SCUBE1: variants seen among roughly 807,000 people sequenced by gnomAD.
The protein encoded by SCUBE1 is signal peptide, CUB domain and EGF like domain containing 1, also known as signal peptide, CUB and EGF-like domain-containing protein 1.
A neutral mutation model predicts 124.4 loss-of-function variants in SCUBE1; 59 were observed. The ratio of observed to expected loss-of-function variants is 0.47; its 90% CI spans 0.38 to 0.59. The LOEUF (loss-of-function observed/expected upper bound fraction) is 0.59, where lower values mean the gene tolerates loss of function less well. Ranked by LOEUF, SCUBE1 falls within the 20% of genes least tolerant of loss-of-function variation. SCUBE1 has a pLI of 0.00. For missense variants in SCUBE1, 1,150 were observed against 1,371.2 expected (o/e 0.84, Z 2.55); for synonymous variants, 545 against 550.9 (o/e 0.99, Z 0.15).
chr22:43,204,165 G>A lies in SCUBE1; in HGVS notation c.2815-16C>T, dbSNP rs943649268. ...GCTTCTTGTCCTGTAAGATAGAGTG[G>A]GTGGGAGGCAGGGGAGGCTTGGGGC... is the stretch of plus-strand genomic sequence containing the variant. On this transcript the variant is annotated splice_polypyrimidine_tract_variant and intron_variant, in intron 21 of 21. Transcript: ENST00000360835. The A allele has an allele frequency of 6.2e-7, 1 of 1,613,568 alleles. No individual in the cohort carries two copies. The highest frequency in any genetic ancestry group is 8.5e-7 in the Non-Finnish European group (1 of 1,179,772).
intron 10 of SCUBE1, 30 bp from the exon 11 acceptor site, chr22:43,223,246 G>A (rs370339200): frequency 6.4e-7 from 1 of 1,555,124 alleles, no homozygotes; most frequent in Non-Finnish European, 8.6e-7. Flanking sequence ...AGAGGGCTGA[G>A]AGAGGCCAGG....
At chr22:43,253,767 T>G (rs1439780844) in intron 6 of SCUBE1, among the ~76,000 whole-genome samples, 2 of 152,192 alleles carry the variant, frequency 1.3e-5, no homozygotes, top group Non-Finnish European at 2.9e-5. Flanking sequence ...GCGGCCCTCT[T>G]CCACCACCCA....
Position 43,203,400 on chromosome 22 carries a change from A to G in SCUBE1, c.*597T>C. 6.7e-6 allele frequency: 1 copy of G among 148,348 alleles called. No homozygotes were observed. The highest frequency in any genetic ancestry group is 1.9e-4 in the East Asian group (1 of 5,138). 9.2% of individuals were successfully genotyped at this position (148,348 alleles called of 1,614,324 possible). A position where few individuals can be genotyped will look rare whatever the true frequency, so the allele number is the denominator to read the frequency against. The stretch of plus-strand genomic sequence containing the variant: ...TATATATATATTTATATATATATAT[A>G]GAGTACTTCATTAAATGTTCTGTTG... On this transcript the variant is annotated 3_prime_UTR_variant, in exon 22 of 22. Transcript: ENST00000360835.
At chr22:43,219,423 A>G (rs1051309712) in intron 14 of SCUBE1, among the ~76,000 whole-genome samples, 2 of 152,022 alleles carry the variant, frequency 1.3e-5, no homozygotes, top group African/African-American at 4.8e-5. Flanking sequence ...TCTTTTCCTG[A>G]TAAATTATGC....
intron 7 of SCUBE1, among the ~76,000 whole-genome samples, chr22:43,232,762 G>A (rs532853758): frequency 5.3e-5 from 8 of 152,206 alleles, no homozygotes; most frequent in Non-Finnish European, 1.2e-4. Context: ...CCTGCTGGCC[G>A]ATGCCTCACA....
rs1279510871 is a variant in SCUBE1, at chr22:43,343,317, ACCGG to A, written c.-60_-57del. The A allele has an allele frequency of 2.3e-6, 2 of 885,640 alleles. No homozygotes were observed. Among genetic ancestry groups the A allele is most frequent in the Non-Finnish European group, 2.8e-6 (2 of 721,350 alleles). 54.9% of individuals were successfully genotyped at this position (885,640 alleles called of 1,614,324 possible). ...CGTGCGGGGCGCGGGGACCCGACCG[ACCGG>A]CCGCTCCCGCAGGCGCTGCTCGCTG... On this transcript the variant is annotated 5_prime_UTR_variant, in exon 1 of 22. Transcript: ENST00000360835.
intron 3 of SCUBE1, among the ~76,000 whole-genome samples, chr22:43,299,180 G>A (rs1925676939): frequency 6.6e-6 from 1 of 152,204 alleles, no homozygotes; most frequent in Admixed American, 6.5e-5. Context: ...AAGTCCCTGA[G>A]GTGTTTGGGA....
rs1021239272 is a variant in SCUBE1 at position 43,203,732 on chromosome 22, T to G, written c.*265A>C. 3 of 411,836 alleles carry G rather than the reference T, an allele frequency of 7.3e-6. No homozygotes were observed. Among genetic ancestry groups the G allele is most frequent in the Non-Finnish European group, 1.3e-5 (3 of 227,652 alleles). The allele number at this position is 411,836 out of a possible 1,614,324, so 25.5% of individuals were successfully genotyped here. On this transcript the variant is annotated 3_prime_UTR_variant, in exon 22 of 22. Coordinates refer to ENST00000360835, the MANE Select transcript of SCUBE1 (RefSeq NM_173050.5). Reference sequence around the variant, plus strand: ...GCAATCCTGCTACCTGCAGTCGGTCTGCCAGGGCTCAGGAGAGGGCGCTCT... The same window carrying G: ...GCAATCCTGCTACCTGCAGTCGGTCGGCCAGGGCTCAGGAGAGGGCGCTCT...
chr22:43,214,239 G>C lies in SCUBE1; in HGVS notation c.1904C>G (p.Pro635Arg). Residue 635 changes from proline (P) to arginine (R), a missense_variant, in exon 16 of 22, where the codon CCT (proline) becomes CGT (arginine). By Grantham distance (103) the Pro-to-Arg change is moderately radical. This residue lies in a region of SCUBE1 where 757 missense variants were observed against 840.9 expected (regional missense o/e 0.90). Transcript: ENST00000360835. ...GAGCTCACCACCGAAGTGGGTGCCA[G>C]GCCCACAGGCAACTGCAGAGGCAAA... ...LQDSKCVACG[P>R]GTHFGGELGQ... The C allele has an allele frequency of 6.2e-7, 1 of 1,612,140 alleles. No individual in the cohort carries two copies. The highest frequency in any genetic ancestry group is 8.5e-7 in the Non-Finnish European group (1 of 1,179,420).
At chr22:43,291,547 C>T (rs1157828935) in intron 3 of SCUBE1, among the ~76,000 whole-genome samples, 2 of 151,994 alleles carry the variant, frequency 1.3e-5, no homozygotes, top group Non-Finnish European at 1.5e-5. Context: ...TCAGGCTGTG[C>T]TACAGTGGCA....
intron 3 of SCUBE1, among the ~76,000 whole-genome samples, chr22:43,316,539 T>C (rs1926353498): frequency 6.6e-6 from 1 of 152,208 alleles, no homozygotes; most frequent in Non-Finnish European, 1.5e-5. Flanking sequence ...ACGATCAACG[T>C]TGTGTGGTCC....
intron 1 of SCUBE1, among the ~76,000 whole-genome samples, chr22:43,342,699 C>G (rs1278936395): frequency 6.6e-6 from 1 of 152,012 alleles, no homozygotes. Context: ...TGTCTGCTCC[C>G]TCGGCGCCGG....
Position 43,210,880 on chromosome 22 carries a change from T to TC in SCUBE1, c.2383+41dup, listed in dbSNP as rs1226645420. 1 of 1,372,192 alleles carries TC rather than the reference T, an allele frequency of 7.3e-7. No individual in the cohort carries two copies. The highest frequency in any genetic ancestry group is 1.0e-6 in the Non-Finnish European group (1 of 996,544). 85.0% of individuals were successfully genotyped at this position (1,372,192 alleles called of 1,614,324 possible). A position where few individuals can be genotyped will look rare whatever the true frequency, so the allele number is the denominator to read the frequency against. On this transcript the variant is annotated intron_variant, in intron 18 of 21. Transcript: ENST00000360835. The surrounding 1 kb of genome is among the most constrained non-coding windows in gnomAD (Gnocchi z 4.5). The stretch of plus-strand genomic sequence containing the variant: ...CCGCCCCCACAACCTGCCCAGCCCC[T>TC]CCCGTGTTCCCAGCTTCCCACGGCA...
intron 4 of SCUBE1, among the ~76,000 whole-genome samples, chr22:43,288,003 C>T (rs764087817): frequency 5.9e-5 from 9 of 152,146 alleles, no homozygotes; most frequent in Admixed American, 2.0e-4. Flanking sequence ...TCCACACAGC[C>T]GTGGAAACCC....
intron 3 of SCUBE1, among the ~76,000 whole-genome samples, chr22:43,303,795 A>C (rs1165763688): frequency 6.6e-6 from 1 of 152,242 alleles, no homozygotes; most frequent in Non-Finnish European, 1.5e-5. Flanking sequence ...GCTGATCAAC[A>C]ATCCTACAGT....
At chr22:43,342,512 C>T (rs1927355920) in intron 1 of SCUBE1, among the ~76,000 whole-genome samples, 1 of 151,562 alleles carries the variant, frequency 6.6e-6, no homozygotes, top group South Asian at 2.1e-4. Context: ...CCGCCCCCCC[C>T]AACCCCGTTT....
intron 1 of SCUBE1, among the ~76,000 whole-genome samples, chr22:43,339,728 A>AT (rs112252386): frequency 0.031 from 736 of 23,982 alleles, 4 homozygotes; most frequent in East Asian, 0.074. Flanking sequence ...TCCTCATTCT[A>AT]CCCCCCACAA....
chr22:43,234,512 G>A lies in SCUBE1; in HGVS notation c.845-2637C>T, dbSNP rs531312944. 1.3e-5 allele frequency among the ~76,000 whole-genome samples: 2 copies of A among 152,304 alleles called. No individual in the cohort carries two copies. Among genetic ancestry groups the A allele is most frequent in the East Asian group, 3.9e-4 (2 of 5,172 alleles). Reference sequence around the variant, plus strand: ...TGCTAAGGGGCTGTCATAGCAACCAGACAGGCAGAGGGAGGCATGTCTGCC... The same window carrying A: ...TGCTAAGGGGCTGTCATAGCAACCAAACAGGCAGAGGGAGGCATGTCTGCC... On this transcript the variant is annotated intron_variant, in intron 7 of 21. Transcript: ENST00000360835. The surrounding 1 kb of genome is among the most constrained non-coding windows in gnomAD (Gnocchi z 4.4).
At chr22:43,340,481 TACACACACACACACACACACACACACAC>T (rs3047392) in intron 1 of SCUBE1, among the ~76,000 whole-genome samples, 6 of 136,014 alleles carry the variant, frequency 4.4e-5, no homozygotes, top group African/African-American at 8.3e-5. Flanking sequence ...TTGTCTCTTT[TACACACACACACACACACACACACACAC>T]ACACACACAC....
Sources: gnomAD v4.1 joint callset for allele counts (sites outside exome capture counted in the v4.1 genomes callset) on GRCh38, gnomAD v4.1.1 for gene constraint, gnomAD v4.1.1 regional missense constraint, Gnocchi (gnomAD v3.1) non-coding constraint, MANE v1.5 for transcripts, NCBI Gene and HGNC (gene_info 2026-07-23, HGNC 2026-07-21) for gene names.